The following ANKRD12 variants were observed in gnomAD, a reference collection of about 807,000 sequenced individuals.
The protein encoded by ANKRD12 is ankyrin repeat domain-containing protein 12.
Under a neutral mutation model 183.4 loss-of-function variants are expected in ANKRD12, and 85 were observed. The observed-to-expected ratio is 0.46, with a 90% confidence interval of 0.39 to 0.56. ANKRD12 has a LOEUF of 0.56. Ranked by LOEUF, ANKRD12 falls within the 20% of genes least tolerant of loss-of-function variation. ANKRD12 has a pLI of 0.00. For synonymous variants in ANKRD12, 914 were observed against 800.2 expected, an observed-to-expected ratio of 1.14 and a Z score of -2.40; for missense variants, 2,405 against 2,357.1, an observed-to-expected ratio of 1.02 and a Z score of -0.42.
chr18:9,276,383 T>TA (rs904521945), intron 11 of ANKRD12, among the ~76,000 whole-genome samples: 4 of 152,032 alleles, frequency 2.6e-5, no homozygotes, highest in African/African-American at 7.2e-5. Context: ...TTCTCATCTA[T>TA]AAAAAAATCA....
Position 9,275,514 on chromosome 18 carries a change from AT to A in ANKRD12, c.5764-8del. ...AGAATTTATTTTTTTTTAATTCTTT[AT>A]TCAACTAGGAAAAACTCATTGTATC... On this transcript the variant is annotated splice_polypyrimidine_tract_variant and intron_variant, in intron 10 of 12. Transcript: ENST00000262126. 3 of 1,593,426 alleles carry A rather than the reference AT, an allele frequency of 1.9e-6. No individual in the cohort carries two copies. The highest frequency in any genetic ancestry group is 2.6e-6 in the Non-Finnish European group (3 of 1,168,024).
At chr18:9,202,792 A>G (rs1048897875) in intron 3 of ANKRD12, among the ~76,000 whole-genome samples, 2 of 152,168 alleles carry the variant, frequency 1.3e-5, no homozygotes, top group African/African-American at 4.8e-5. Flanking sequence ...ATGTTAATAG[A>G]AGCTTTAATT....
chr18:9,275,438 A>G, intron 10 of ANKRD12, 86 bp from the exon 11 acceptor site: 2 of 1,233,890 alleles, frequency 1.6e-6, no homozygotes, highest in Non-Finnish European at 2.3e-6. Context: ...ACACCACTGC[A>G]CTCCAGCCTA....
intron 10 of ANKRD12, among the ~76,000 whole-genome samples, chr18:9,271,533 T>A (rs1027747644): frequency 2.9e-4 from 43 of 149,898 alleles, no homozygotes; most frequent in East Asian, 5.9e-4. Flanking sequence ...AAAAAAAAAT[T>A]TTTTTATAGA....
intron 1 of ANKRD12, among the ~76,000 whole-genome samples, chr18:9,162,734 A>G: frequency 6.6e-6 from 1 of 152,008 alleles, no homozygotes; most frequent in East Asian, 1.9e-4. Context: ...CTTTTTAATA[A>G]TCGCCATTCT....
chr18:9,140,325 ATTG>A (rs2078272530), intron 1 of ANKRD12, among the ~76,000 whole-genome samples: 1 of 152,076 alleles, frequency 6.6e-6, no homozygotes, highest in Non-Finnish European at 1.5e-5. Flanking sequence ...CCCTACCTTT[ATTG>A]TTTTCATCTT....
chr18:9,149,059 A>G (rs2078590653), intron 1 of ANKRD12, among the ~76,000 whole-genome samples: 1 of 152,176 alleles, frequency 6.6e-6, no homozygotes. Flanking sequence ...GTCATCCTCA[A>G]CACTCTATTT....
rs139839450 is a variant in ANKRD12, at chr18:9,267,214, C to G, written c.5763+3326C>G. Among the ~76,000 whole-genome samples the G allele has an allele frequency of 6.8e-3, 1,033 of 152,208 alleles. 13 individuals carry two copies. The highest frequency in any genetic ancestry group is 0.023 in the African/African-American group (972 of 41,514). On this transcript the variant is annotated intron_variant, in intron 10 of 12. Transcript: ENST00000262126. ...CCACTGTCAACATTAGACAGATCAA[C>G]GAGAGAAAGTTAACAAGGATATCCA...
chr18:9,258,227 G>C lies in ANKRD12; in HGVS notation c.4960G>C (p.Glu1654Gln). 1.9e-6 allele frequency: 3 copies of C among 1,613,842 alleles called. No homozygotes were observed. Among genetic ancestry groups the C allele is most frequent in the South Asian group, 2.2e-5 (2 of 91,078 alleles). Residue 1654 changes from glutamate (E) to glutamine (Q), a missense_variant, in exon 9 of 13, where the codon GAA (glutamate) becomes CAA (glutamine). Physicochemically the swap from Glu to Gln is conservative, Grantham distance 29. Coordinates refer to ENST00000262126, the MANE Select transcript of ANKRD12 (RefSeq NM_015208.5). ...HLSRCDSDLCEMNAGMPKGNL... is the reference protein window; with the variant it reads ...HLSRCDSDLCQMNAGMPKGNL... ...GAGTAGGTGTGATTCTGATTTATGT[G>C]AAATGAATGCAGGGATGCCAAAAGG...
At chr18:9,278,695 G>GC (rs1201660727) in intron 11 of ANKRD12, among the ~76,000 whole-genome samples, 1 of 152,166 alleles carries the variant, frequency 6.6e-6, no homozygotes, top group Non-Finnish European at 1.5e-5. Context: ...TACCTGGGAG[G>GC]CTGAGGCGGG....
In ANKRD12 at chr18:9,254,878, T is replaced by C. The variant is rs764075272; in HGVS notation, c.1611T>C (p.His537=). 6.5e-7 allele frequency: 1 copy of C among 1,539,266 alleles called. No individual in the cohort carries two copies. The highest frequency in any genetic ancestry group is 2.3e-5 in the East Asian group (1 of 43,728). ...ATGATACTTCATTACATTTATTTCA[T>C]ATTTCCACTGGTAAATCTCCCAAAC... is the stretch of plus-strand genomic sequence containing the variant. The part of the protein sequence containing the change: ...PKDDTSLHLF[H]ISTGKSPKHS... The change falls in exon 9 of 13, where the codon CAT becomes CAC. Residue 537 remains histidine, a synonymous_variant. Transcript: ENST00000262126.
At chr18:9,148,519 T>A (rs1027920575) in intron 1 of ANKRD12, among the ~76,000 whole-genome samples, 3 of 152,212 alleles carry the variant, frequency 2.0e-5, no homozygotes, top group Admixed American at 6.5e-5. Context: ...TTTTATTTTT[T>A]AAAAATTTGA....
intron 9 of ANKRD12, among the ~76,000 whole-genome samples, chr18:9,261,884 C>T (rs1051210915): frequency 6.6e-5 from 10 of 152,110 alleles, no homozygotes; most frequent in African/African-American, 2.2e-4. Flanking sequence ...AGTAGATATC[C>T]GTCCTCTACA....
chr18:9,244,133 T>TC (rs1346929629), intron 8 of ANKRD12, among the ~76,000 whole-genome samples: 1 of 152,036 alleles, frequency 6.6e-6, no homozygotes, highest in Non-Finnish European at 1.5e-5. Flanking sequence ...AAATTCCGTC[T>TC]CAAAAAAATG....
chr18:9,164,252 G>A (rs967755304), intron 1 of ANKRD12, among the ~76,000 whole-genome samples: 1 of 152,138 alleles, frequency 6.6e-6, no homozygotes, highest in Non-Finnish European at 1.5e-5. Context: ...TTTTCTGAAG[G>A]CCTTTTCTGC....
At chr18:9,155,235 A>G (rs769386462) in intron 1 of ANKRD12, among the ~76,000 whole-genome samples, 1 of 152,250 alleles carries the variant, frequency 6.6e-6, no homozygotes, top group African/African-American at 2.4e-5. Context: ...CAGAGTGACT[A>G]TAGTCAAAAA....
At chr18:9,267,851 T>C (rs2039385680) in intron 10 of ANKRD12, among the ~76,000 whole-genome samples, 1 of 151,924 alleles carries the variant, frequency 6.6e-6, no homozygotes, top group East Asian at 1.9e-4. Flanking sequence ...TTTGAAAAGA[T>C]CAACAAAATT....
chr18:9,138,549 A>C lies in ANKRD12; in HGVS notation c.-52+1584A>C, dbSNP rs139658089. Among the ~76,000 whole-genome samples the C allele has an allele frequency of 3.4e-3, 515 of 152,082 alleles. 4 individuals are homozygous for C. The highest frequency in any genetic ancestry group is 0.012 in the African/African-American group (490 of 41,380). ...CAAAACAAACAAACAAACAAACAAAAAAACATATGCTCAAGTAGGCCGTTA... is the reference window on the plus strand; with the variant it reads ...CAAAACAAACAAACAAACAAACAAACAAACATATGCTCAAGTAGGCCGTTA... On this transcript the variant is annotated intron_variant, in intron 1 of 12. Coordinates refer to ENST00000262126, the MANE Select transcript of ANKRD12 (RefSeq NM_015208.5).
At chr18:9,239,853 A>G (rs2037556909) in intron 8 of ANKRD12, among the ~76,000 whole-genome samples, 1 of 152,206 alleles carries the variant, frequency 6.6e-6, no homozygotes, top group Non-Finnish European at 1.5e-5. Context: ...AATTTGGAGT[A>G]ACTAAGAGGG....
Sources: gnomAD v4.1 joint callset for allele counts (sites outside exome capture counted in the v4.1 genomes callset) on GRCh38, gnomAD v4.1.1 for gene constraint, MANE v1.5 for transcripts, NCBI Gene and HGNC (gene_info 2026-07-23, HGNC 2026-07-21) for gene names.